Variants in KCTD16 observed in about 807,000 individuals in gnomAD.
KCTD16 encodes BTB/POZ domain-containing protein KCTD16.
In KCTD16, 13 loss-of-function variants were observed where a neutral mutation model predicts 33.2. The observed-to-expected ratio is 0.39, with a 90% CI of 0.25 to 0.62. The LOEUF (loss-of-function observed/expected upper bound fraction) is 0.62, where lower values mean the gene tolerates loss of function less well. Ranked by LOEUF, KCTD16 falls within the 20% of genes least tolerant of loss-of-function variation. The pLI is 0.50. For missense variants in KCTD16, 441 were observed against 525.1 expected, an observed-to-expected ratio of 0.84 and a Z score of 1.57; for synonymous variants, 197 against 195.3, an observed-to-expected ratio of 1.01 and a Z score of -0.07.
At chr5:144,310,470 T>G (rs367934658) in intron 3 of KCTD16, among the ~76,000 whole-genome samples, 3 of 94,502 alleles carry the variant, frequency 3.2e-5, no homozygotes, top group East Asian at 6.1e-4. Context: ...TTTTGAAAAC[T>G]CTCCACACTG....
chr5:144,256,026 C>T (rs914277470), intron 3 of KCTD16, among the ~76,000 whole-genome samples: 4 of 152,230 alleles, frequency 2.6e-5, no homozygotes, highest in Admixed American at 1.3e-4. Context: ...AAGTCAGTAC[C>T]GTACCTGTGC....
intron 3 of KCTD16, among the ~76,000 whole-genome samples, chr5:144,448,639 C>G (rs1014102846): frequency 1.3e-5 from 2 of 152,048 alleles, no homozygotes; most frequent in Non-Finnish European, 2.9e-5. Flanking sequence ...GCATTAGAGA[C>G]AAGAGCAAGC....
At chr5:144,187,030 C>T (rs1362059453) in intron 2 of KCTD16, among the ~76,000 whole-genome samples, 2 of 152,160 alleles carry the variant, frequency 1.3e-5, no homozygotes, top group African/African-American at 4.8e-5. Context: ...AATCACTCCT[C>T]AAATAGTCAA....
chr5:144,195,977 T>C (rs567221389), intron 2 of KCTD16, among the ~76,000 whole-genome samples: 3 of 152,176 alleles, frequency 2.0e-5, no homozygotes, highest in South Asian at 4.1e-4. Flanking sequence ...ACACAGAGTG[T>C]TTTCCCCTAT....
At chr5:144,255,027 G>C (rs1419246143) in intron 3 of KCTD16, among the ~76,000 whole-genome samples, 2 of 152,062 alleles carry the variant, frequency 1.3e-5, no homozygotes, top group Non-Finnish European at 2.9e-5. Flanking sequence ...GGTCTCCTAA[G>C]GTGCTGGGAT....
intron 3 of KCTD16, among the ~76,000 whole-genome samples, chr5:144,297,365 G>A (rs747135561): frequency 1.3e-5 from 2 of 152,192 alleles, no homozygotes; most frequent in Non-Finnish European, 2.9e-5. Context: ...ACTCTAAGAA[G>A]AAGGTCTGAA....
chr5:144,457,481 G>A (rs1458332702), intron 3 of KCTD16, among the ~76,000 whole-genome samples: 2 of 152,186 alleles, frequency 1.3e-5, no homozygotes, highest in Non-Finnish European at 2.9e-5. Flanking sequence ...AGGGGGATTG[G>A]AAGGGCATTT....
At chr5:144,176,611 C>T (rs1752513868) in intron 2 of KCTD16, among the ~76,000 whole-genome samples, 1 of 150,902 alleles carries the variant, frequency 6.6e-6, no homozygotes, top group African/African-American at 2.4e-5. Context: ...ACCTTGTTAG[C>T]CAGGATGGTC....
At chr5:144,443,695 C>A (rs1753760824) in intron 3 of KCTD16, among the ~76,000 whole-genome samples, 1 of 151,988 alleles carries the variant, frequency 6.6e-6, no homozygotes, top group Non-Finnish European at 1.5e-5. Flanking sequence ...TATTTGATGG[C>A]TTAAATCTAT....
At chr5:144,286,519 C>A (rs969672129) in intron 3 of KCTD16, among the ~76,000 whole-genome samples, 5 of 152,188 alleles carry the variant, frequency 3.3e-5, no homozygotes, top group Non-Finnish European at 7.3e-5. Context: ...AACAAATAGT[C>A]ATGAACATTC....
intron 3 of KCTD16, among the ~76,000 whole-genome samples, chr5:144,378,467 G>C (rs188664094): frequency 6.6e-6 from 1 of 151,982 alleles, no homozygotes; most frequent in Admixed American, 6.6e-5. Context: ...CTGAAATGTC[G>C]TATCTAGCTA....
rs1754730611 is a variant in KCTD16 at position 144,482,788 on chromosome 5, T to A, written c.*8674T>A. 6.6e-6 allele frequency: 1 copy of A among 151,944 alleles called. No individual in the cohort carries two copies. Among genetic ancestry groups the A allele is most frequent in the South Asian group, 2.1e-4 (1 of 4,820 alleles). 9.4% of individuals were successfully genotyped at this position (151,944 alleles called of 1,614,324 possible). A position where few individuals can be genotyped will look rare whatever the true frequency, so the allele number is the denominator to read the frequency against. ...ACATATGTGTGTACATCTATCTTAA[T>A]GTGTATATATAAATATATATCTATA... On this transcript the variant is annotated 3_prime_UTR_variant, in exon 4 of 4. Transcript: ENST00000512467.
rs796428204 is a variant in KCTD16, at chr5:144,288,845, T to A, written c.832+81299T>A. Among the ~76,000 whole-genome samples, 4 of 152,164 alleles carry A rather than the reference T, an allele frequency of 2.6e-5. No individual in the cohort carries two copies. The South Asian group carries it at 8.3e-4, about 32-fold the overall frequency. On this transcript the variant is annotated intron_variant, in intron 3 of 3. Coordinates refer to ENST00000512467, the MANE Select transcript of KCTD16 (RefSeq NM_020768.4). The stretch of plus-strand genomic sequence containing the variant: ...AGTTAGCTGTGGTGCATGCCTGTAA[T>A]CCCAGCTACTCCGGAGGCTGCCTGT...
intron 3 of KCTD16, among the ~76,000 whole-genome samples, chr5:144,253,984 A>G (rs1027190354): frequency 6.6e-6 from 1 of 152,122 alleles, no homozygotes; most frequent in Non-Finnish European, 1.5e-5. Flanking sequence ...TATCATGTTG[A>G]CTCCCGCATG....
intron 3 of KCTD16, among the ~76,000 whole-genome samples, chr5:144,440,003 T>A (rs1306913025): frequency 2.6e-5 from 4 of 151,068 alleles, no homozygotes; most frequent in African/African-American, 9.7e-5. Context: ...ACAGAAAATG[T>A]CACAGAGCAA....
At chr5:144,360,826 A>G (rs1371258417) in intron 3 of KCTD16, among the ~76,000 whole-genome samples, 1 of 150,372 alleles carries the variant, frequency 6.7e-6, no homozygotes, top group Admixed American at 6.6e-5. Context: ...GTTGGTTCCA[A>G]CTCTTTGCTA....
chr5:144,325,014 C>A (rs1299180106), intron 3 of KCTD16, among the ~76,000 whole-genome samples: 1 of 152,194 alleles, frequency 6.6e-6, no homozygotes, highest in Non-Finnish European at 1.5e-5. Context: ...GTTCTGCAAA[C>A]CCGTGGTACA....
chr5:144,332,310 G>T (rs146954661), intron 3 of KCTD16, among the ~76,000 whole-genome samples: 1 of 152,084 alleles, frequency 6.6e-6, no homozygotes, highest in South Asian at 2.1e-4. Context: ...TATGACTCAG[G>T]CAAGGCGCAG....
intron 3 of KCTD16, among the ~76,000 whole-genome samples, chr5:144,221,496 T>G (rs1257105568): frequency 2.0e-5 from 3 of 152,088 alleles, no homozygotes; most frequent in Non-Finnish European, 4.4e-5. Context: ...CAACTCTCAC[T>G]TATGAGTGAG....
Sources: gnomAD v4.1 joint callset for allele counts (sites outside exome capture counted in the v4.1 genomes callset) on GRCh38, gnomAD v4.1.1 for gene constraint, MANE v1.5 for transcripts, NCBI Gene and HGNC (gene_info 2026-07-23, HGNC 2026-07-21) for gene names.